The following RBFOX3 variants were observed in gnomAD, a reference collection of about 807,000 sequenced individuals.
RBFOX3 encodes RNA binding fox-1 homolog 3.
Under a neutral mutation model 48.7 loss-of-function variants are expected in RBFOX3, and 17 were observed. That is an observed-to-expected ratio of 0.35 (90% confidence interval 0.24 to 0.52). RBFOX3 has a LOEUF of 0.52. Ranked by LOEUF, RBFOX3 falls within the 20% of genes least tolerant of loss-of-function variation. The pLI, the probability that RBFOX3 is intolerant of heterozygous loss-of-function variation, is 0.94. For missense variants in RBFOX3, 382 were observed against 497.5 expected (o/e 0.77, Z 2.21); for synonymous variants, 212 against 209.5 (o/e 1.01, Z -0.10).
rs1568214964 is a variant in RBFOX3, at chr17:79,418,578, G to A, written c.-175+63876C>T. Among the ~76,000 whole-genome samples, 1 of 152,196 alleles carries A rather than the reference G, an allele frequency of 6.6e-6. No homozygotes were observed. Among genetic ancestry groups the A allele is most frequent in the Non-Finnish European group, 1.5e-5 (1 of 68,026 alleles). The stretch of plus-strand genomic sequence containing the variant: ...GGTCAGTCGTGGGGCCAAGTCTCAG[G>A]GCAGCATCCCAGCTCAGGGATGCTT... On this transcript the variant is annotated intron_variant, in intron 2 of 14. Transcript: ENST00000693108. This position sits in a 1 kb window ranked among gnomAD's most constrained non-coding sequence, Gnocchi z 5.0.
intron 3 of RBFOX3, among the ~76,000 whole-genome samples, chr17:79,284,190 T>A (rs867762382): frequency 2.0e-5 from 3 of 152,372 alleles, no homozygotes; most frequent in Middle Eastern, 6.8e-3. Context: ...TACAGGACAG[T>A]TGATTCTCAT....
intron 1 of RBFOX3, among the ~76,000 whole-genome samples, chr17:79,588,712 G>A (rs998203960): frequency 3.3e-5 from 5 of 152,006 alleles, no homozygotes; most frequent in Admixed American, 6.5e-5. Context: ...CTTGGACCTC[G>A]GCAATATAGT....
At chr17:79,320,080 C>T (rs565274847) in intron 2 of RBFOX3, among the ~76,000 whole-genome samples, 1 of 152,328 alleles carries the variant, frequency 6.6e-6, no homozygotes. Flanking sequence ...CTTCTCTGGG[C>T]TGCTGGTCTT....
chr17:79,638,561 C>T, the RBFOX3 span, among the ~76,000 whole-genome samples: 4 of 152,106 alleles, frequency 2.6e-5, no homozygotes, highest in African/African-American at 9.7e-5. Flanking sequence ...GCCTAAACAT[C>T]CTATAGTTTG....
intron 1 of RBFOX3, among the ~76,000 whole-genome samples, chr17:79,504,049 G>A (rs2082741520): frequency 1.3e-5 from 2 of 151,040 alleles, no homozygotes; most frequent in African/African-American, 2.5e-5. Context: ...TGCTCCAGGT[G>A]GCAGGGTGCT....
At chr17:79,161,741 G>A (rs1343192709) in intron 4 of RBFOX3, among the ~76,000 whole-genome samples, 2 of 148,200 alleles carry the variant, frequency 1.3e-5, no homozygotes, top group African/African-American at 5.0e-5. Flanking sequence ...GACTACAGGC[G>A]CATACCATCA....
intron 3 of RBFOX3, among the ~76,000 whole-genome samples, chr17:79,241,746 C>T (rs890456292): frequency 3.9e-5 from 6 of 152,212 alleles, no homozygotes; most frequent in African/African-American, 9.7e-5. Context: ...GCAGTGTGGT[C>T]AGGCGCTGGT....
intron 2 of RBFOX3, among the ~76,000 whole-genome samples, chr17:79,334,585 G>A (rs137918393): frequency 6.6e-6 from 1 of 152,226 alleles, no homozygotes; most frequent in East Asian, 1.9e-4. Context: ...GCACATATGT[G>A]CACAAAAGTT....
chr17:79,182,939 GCCGAGAACCC>G (rs966164675), intron 4 of RBFOX3, among the ~76,000 whole-genome samples: 2 of 150,316 alleles, frequency 1.3e-5, no homozygotes, highest in African/African-American at 4.9e-5. Context: ...TGACCCGGGC[GCCGAGAACCC>G]CCGCCCCCTC....
At chr17:79,292,583 TGC>T (rs1567988170) in intron 3 of RBFOX3, among the ~76,000 whole-genome samples, 2 of 63,462 alleles carry the variant, frequency 3.2e-5, no homozygotes, top group Non-Finnish European at 6.2e-5. Context: ...CACACACACA[TGC>T]ACACACACAC....
chr17:79,649,472 G>A, the RBFOX3 span, among the ~76,000 whole-genome samples: 330 of 152,336 alleles, frequency 2.2e-3, 2 homozygotes, highest in African/African-American at 7.1e-3. Context: ...TTGGGAGGCC[G>A]AGGCGAGTGG....
intron 2 of RBFOX3, among the ~76,000 whole-genome samples, chr17:79,446,738 G>A (rs964199866): frequency 6.6e-6 from 1 of 152,192 alleles, no homozygotes; most frequent in African/African-American, 2.4e-5. Flanking sequence ...CTGAGCTGCC[G>A]CTCTCAGCAC....
chr17:79,113,263 CCAG>C (rs2032713490), intron 5 of RBFOX3, among the ~76,000 whole-genome samples: 1 of 152,104 alleles, frequency 6.6e-6, no homozygotes, highest in African/African-American at 2.4e-5. Flanking sequence ...AACACCCTCT[CCAG>C]CTGCCTTCCA....
At chr17:79,326,329 C>T (rs1011028219) in intron 2 of RBFOX3, among the ~76,000 whole-genome samples, 2 of 152,146 alleles carry the variant, frequency 1.3e-5, no homozygotes, top group South Asian at 2.1e-4. Context: ...TCGCCCTGCA[C>T]GGATCTAGTT....
chr17:79,446,988 G>A (rs1164359565), intron 2 of RBFOX3, among the ~76,000 whole-genome samples: 5 of 152,268 alleles, frequency 3.3e-5, no homozygotes, highest in African/African-American at 1.2e-4. Context: ...TGCAACACGA[G>A]TACCTGAGGC....
chr17:79,580,963 T>G (rs903081635), intron 1 of RBFOX3, among the ~76,000 whole-genome samples: 6 of 152,100 alleles, frequency 3.9e-5, no homozygotes, highest in African/African-American at 1.4e-4. Flanking sequence ...AAAACACCAG[T>G]GCGGCCAGGT....
chr17:79,184,057 G>A (rs1017072221), intron 4 of RBFOX3, among the ~76,000 whole-genome samples: 1 of 152,258 alleles, frequency 6.6e-6, no homozygotes, highest in Non-Finnish European at 1.5e-5. Context: ...CCTGTTTCGC[G>A]TTCAGAGAAG....
At chr17:79,393,198 A>G (rs1190033890) in intron 2 of RBFOX3, among the ~76,000 whole-genome samples, 2 of 152,210 alleles carry the variant, frequency 1.3e-5, no homozygotes, top group Non-Finnish European at 2.9e-5. Flanking sequence ...CTTTATGGAG[A>G]CGGATTTGGG....
chr17:79,665,441 C>A, the RBFOX3 span, among the ~76,000 whole-genome samples: 53 of 152,140 alleles, frequency 3.5e-4, no homozygotes, highest in African/African-American at 1.3e-3. Context: ...AGAGGAGGGG[C>A]CTGGAAACCG....
Sources: allele counts gnomAD v4.1 joint callset (sites outside exome capture counted in the v4.1 genomes callset), GRCh38; gene constraint gnomAD v4.1.1; non-coding constraint Gnocchi (gnomAD v3.1); transcripts MANE v1.5; gene names NCBI Gene and HGNC (gene_info 2026-07-23, HGNC 2026-07-21).